Variants in GRIK3 observed in about 807,000 individuals in gnomAD.
GRIK3 encodes the protein glutamate ionotropic receptor kainate type subunit 3, also known as glutamate receptor ionotropic, kainate 3.
Under a neutral mutation model 102.5 loss-of-function variants are expected in GRIK3, and 29 were observed. The ratio of observed to expected loss-of-function variants is 0.28; its 90% CI spans 0.21 to 0.39. The LOEUF (loss-of-function observed/expected upper bound fraction) is 0.39. Ranked by LOEUF, GRIK3 falls within the 10% of genes least tolerant of loss-of-function variation. The pLI, the probability that GRIK3 is intolerant of heterozygous loss-of-function variation, is 1.00. For synonymous variants in GRIK3, 511 were observed against 504.9 expected, an observed-to-expected ratio of 1.01 and a Z score of -0.16; for missense variants, 908 against 1,252.4, an observed-to-expected ratio of 0.73 and a Z score of 4.15.
At chr1:36,825,856 C>G in intron 10 of GRIK3, 30 bp from the exon 11 acceptor site, 1 of 1,495,890 alleles carries the variant, frequency 6.7e-7, no homozygotes, top group South Asian at 1.2e-5. Flanking sequence ...GAAAGACAGA[C>G]TATGAGCAAA....
chr1:36,965,668 A>G (rs1642070581), intron 1 of GRIK3, among the ~76,000 whole-genome samples: 1 of 152,194 alleles, frequency 6.6e-6, no homozygotes. Context: ...ACTTGCTGAG[A>G]TGTGGCTCTG....
intron 8 of GRIK3, 30 bp downstream of exon 8, chr1:36,853,585 G>A (rs373496141): frequency 2.9e-5 from 42 of 1,429,376 alleles, no homozygotes; most frequent in African/African-American, 7.0e-5. Context: ...CTGCTCCTCC[G>A]CCTGCCCTCC....
chr1:37,028,320 C>T (rs924049027), intron 1 of GRIK3, among the ~76,000 whole-genome samples: 1 of 151,974 alleles, frequency 6.6e-6, no homozygotes, highest in Non-Finnish European at 1.5e-5. Flanking sequence ...CAGTGGGATC[C>T]CTGTAGGTGA....
chr1:36,812,181 G>A (rs894733888), intron 13 of GRIK3, among the ~76,000 whole-genome samples: 15 of 152,078 alleles, frequency 9.9e-5, no homozygotes, highest in Non-Finnish European at 1.5e-5. Context: ...ATGCAGCTGG[G>A]AGGCAGGGTG....
chr1:36,925,682 C>G (rs766808638), intron 1 of GRIK3, among the ~76,000 whole-genome samples: 55 of 152,382 alleles, frequency 3.6e-4, no homozygotes, highest in Non-Finnish European at 7.3e-4. Flanking sequence ...GGCACAAGAG[C>G]CTGGCAACAG....
In GRIK3 at chr1:36,845,630, C is replaced by T. The variant is rs190989778; in HGVS notation, c.1327-3691G>A. On this transcript the variant is annotated intron_variant, in intron 9 of 15. Coordinates refer to ENST00000373091, the MANE Select transcript of GRIK3 (RefSeq NM_000831.4). ...GTCAGCCCATAGCCACACATGCACG[C>T]ACAAGTATATACAATGTCCTTGGCA... 2.0e-3 allele frequency among the ~76,000 whole-genome samples: 301 copies of T among 152,346 alleles called. 3 individuals are homozygous for T. Among genetic ancestry groups the T allele is most frequent in the Non-Finnish European group, 4.0e-4 (27 of 68,032 alleles).
intron 10 of GRIK3, among the ~76,000 whole-genome samples, chr1:36,826,467 A>G (rs1642755883): frequency 6.6e-6 from 1 of 152,144 alleles, no homozygotes; most frequent in Non-Finnish European, 1.5e-5. Flanking sequence ...CAGGGGTTTG[A>G]GAATAGCCTA....
At chr1:36,919,913 A>G (rs1368013386) in intron 1 of GRIK3, among the ~76,000 whole-genome samples, 1 of 152,204 alleles carries the variant, frequency 6.6e-6, no homozygotes, top group African/African-American at 2.4e-5. Context: ...TCCTGCCTGG[A>G]GAGCCAGCTC....
chr1:36,877,593 C>G (rs1570774866), intron 3 of GRIK3, among the ~76,000 whole-genome samples: 1 of 152,234 alleles, frequency 6.6e-6, no homozygotes, highest in African/African-American at 2.4e-5. Flanking sequence ...GCATAGCCAG[C>G]TACACTCTGT....
chr1:36,806,494 A>G lies in GRIK3; in HGVS notation c.2092-168T>C, dbSNP rs1309161803. Among the ~76,000 whole-genome samples the G allele has an allele frequency of 6.6e-6, 1 of 152,188 alleles. No homozygotes were observed. Among genetic ancestry groups the G allele is most frequent in the Non-Finnish European group, 1.5e-5 (1 of 68,040 alleles). On this transcript the variant is annotated intron_variant, in intron 13 of 15. Transcript: ENST00000373091. The surrounding 1 kb of genome is among the most constrained non-coding windows in gnomAD (Gnocchi z 4.0). The stretch of plus-strand genomic sequence containing the variant: ...ATATAGAAATTGAGGCCCCGGGGCA[A>G]AGGTCCCCAAACACACAGCTGGCCA...
At chr1:36,829,391 T>G (rs995594043) in intron 10 of GRIK3, among the ~76,000 whole-genome samples, 1 of 151,724 alleles carries the variant, frequency 6.6e-6, no homozygotes, top group East Asian at 1.9e-4. Context: ...TCCAACCCCA[T>G]GGTTTTTATT....
chr1:36,997,680 C>T (rs570883024), intron 1 of GRIK3, among the ~76,000 whole-genome samples: 1 of 152,134 alleles, frequency 6.6e-6, no homozygotes, highest in Non-Finnish European at 1.5e-5. Context: ...CGGGGGTGAC[C>T]ACACTCAGTC....
At chr1:36,945,356 C>A (rs1318721497) in intron 1 of GRIK3, among the ~76,000 whole-genome samples, 1 of 152,270 alleles carries the variant, frequency 6.6e-6, no homozygotes, top group African/African-American at 2.4e-5. Context: ...CTAGAGGGGG[C>A]CTGAGCCAGT....
chr1:36,799,077 G>A lies in GRIK3; in HGVS notation c.*2774C>T, dbSNP rs944791039. ...CAAAGTAAGACGGCGCTTAATGATTGTGTTTGCTGACAGCAAATTGGCAAA... is the reference window on the plus strand; with the variant it reads ...CAAAGTAAGACGGCGCTTAATGATTATGTTTGCTGACAGCAAATTGGCAAA... On this transcript the variant is annotated 3_prime_UTR_variant, in exon 16 of 16. Transcript: ENST00000373091. The A allele has an allele frequency of 1.3e-5, 2 of 152,194 alleles. No individual in the cohort carries two copies. Among genetic ancestry groups the A allele is most frequent in the African/African-American group, 4.8e-5 (2 of 41,450 alleles). The allele number at this position is 152,194 out of a possible 1,614,324, so 9.4% of individuals were successfully genotyped here.
intron 10 of GRIK3, among the ~76,000 whole-genome samples, chr1:36,829,791 C>T (rs1375719321): frequency 1.3e-5 from 2 of 152,192 alleles, no homozygotes; most frequent in South Asian, 2.1e-4. Flanking sequence ...ACAATTTAAC[C>T]TGCTATAGCT....
chr1:36,947,182 T>C (rs1305217129), intron 1 of GRIK3, among the ~76,000 whole-genome samples: 1 of 152,116 alleles, frequency 6.6e-6, no homozygotes, highest in African/African-American at 2.4e-5. Context: ...CTGGGCCTGG[T>C]GTGTGCATTT....
In GRIK3 at chr1:36,835,569, G is replaced by T. The variant is rs540575114; in HGVS notation, c.1530+6167C>A. On this transcript the variant is annotated intron_variant, in intron 10 of 15. Transcript: ENST00000373091. ...GCCCTTGGCACTCATTCTTTCCCTGGCATCACAACCCCTAATTGAGTAATG... is the reference window on the plus strand; with the variant it reads ...GCCCTTGGCACTCATTCTTTCCCTGTCATCACAACCCCTAATTGAGTAATG... Among the ~76,000 whole-genome samples, 9 of 152,162 alleles carry T rather than the reference G, an allele frequency of 5.9e-5. No homozygotes were observed. In the South Asian group the frequency reaches 1.9e-3, roughly 32 times the overall value.
At position 36,805,252 on chromosome 1, in the gene GRIK3, G is replaced by A. The variant is rs1403092277; in HGVS notation, c.2315-15C>T. 1.9e-6 allele frequency: 3 copies of A among 1,594,760 alleles called. No individual in the cohort carries two copies. The highest frequency in any genetic ancestry group is 1.7e-5 in the Admixed American group (1 of 59,160). Reference sequence around the variant, plus strand: ...GTATGGGGAGCCTGAGCAGGGAGAAGGGACCCCTAGCCATCAGTGGCGTGT... The same window carrying A: ...GTATGGGGAGCCTGAGCAGGGAGAAAGGACCCCTAGCCATCAGTGGCGTGT... On this transcript the variant is annotated splice_polypyrimidine_tract_variant and intron_variant, in intron 14 of 15. Coordinates refer to ENST00000373091, the MANE Select transcript of GRIK3 (RefSeq NM_000831.4).
rs183302168 is a variant in GRIK3, at chr1:36,966,112, C to T, written c.115+67882G>A. On this transcript the variant is annotated intron_variant, in intron 1 of 15. Transcript: ENST00000373091. ...GGTCCCAAGAGACAGGGGTATAGGA[C>T]ATGCTAGCCAGGAAAGGGTGCCAGC... 5.8e-3 allele frequency among the ~76,000 whole-genome samples: 891 copies of T among 152,336 alleles called. 14 individuals are homozygous for T. The highest frequency in any genetic ancestry group is 0.02 in the African/African-American group (849 of 41,578).
Sources: allele counts gnomAD v4.1 joint callset (sites outside exome capture counted in the v4.1 genomes callset), GRCh38; gene constraint gnomAD v4.1.1; non-coding constraint Gnocchi (gnomAD v3.1); transcripts MANE v1.5; gene names NCBI Gene and HGNC (gene_info 2026-07-23, HGNC 2026-07-21).